The following ATP8A2 variants were observed in gnomAD, a reference collection of about 807,000 sequenced individuals.
ATP8A2 encodes the protein phospholipid-transporting ATPase IB.
In ATP8A2, 100 loss-of-function variants were observed where a neutral mutation model predicts 165.6. That is an observed-to-expected ratio of 0.60 (90% CI 0.51 to 0.71). The LOEUF (loss-of-function observed/expected upper bound fraction) is 0.71, where lower values mean the gene tolerates loss of function less well. Ranked by LOEUF, ATP8A2 falls within the 30% of genes least tolerant of loss-of-function variation. ATP8A2 has a pLI of 0.00. For missense variants in ATP8A2, 1,227 were observed against 1,479.5 expected, an observed-to-expected ratio of 0.83 and a Z score of 2.80; for synonymous variants, 543 against 548.8, an observed-to-expected ratio of 0.99 and a Z score of 0.15.
intron 35 of ATP8A2, among the ~76,000 whole-genome samples, chr13:25,981,988 A>G (rs1956177571): frequency 6.6e-6 from 1 of 152,356 alleles, no homozygotes; most frequent in African/African-American, 2.4e-5. Context: ...TACTAGTGGA[A>G]TCAAAAATTT....
chr13:25,665,550 G>C (rs1430218577), intron 24 of ATP8A2, among the ~76,000 whole-genome samples: 1 of 152,116 alleles, frequency 6.6e-6, no homozygotes, highest in African/African-American at 2.4e-5. Context: ...GGTCTGCTTA[G>C]CAATATGTGT....
intron 24 of ATP8A2, among the ~76,000 whole-genome samples, chr13:25,636,916 G>GTT (rs2041382450): frequency 6.6e-6 from 1 of 151,788 alleles, no homozygotes; most frequent in Admixed American, 6.6e-5. Context: ...AACATAGTGA[G>GTT]TCATCATCTC....
intron 25 of ATP8A2, among the ~76,000 whole-genome samples, chr13:25,720,797 G>A (rs1032366750): frequency 1.3e-5 from 2 of 152,048 alleles, no homozygotes; most frequent in African/African-American, 4.8e-5. Flanking sequence ...AGCAATCCCT[G>A]TGCTACGACA....
At chr13:25,772,862 T>C (rs980916672) in intron 26 of ATP8A2, among the ~76,000 whole-genome samples, 2 of 152,002 alleles carry the variant, frequency 1.3e-5, no homozygotes, top group Admixed American at 6.6e-5. Context: ...TGGGTTCAAG[T>C]GATTGTCCTG....
At chr13:25,556,432 T>C (rs567793325) in intron 13 of ATP8A2, among the ~76,000 whole-genome samples, 3 of 152,332 alleles carry the variant, frequency 2.0e-5, no homozygotes, top group Admixed American at 2.0e-4. Context: ...TGTCTGTTCA[T>C]GTCTTTTGCT....
chr13:25,378,560 G>A (rs2032721427), intron 1 of ATP8A2, among the ~76,000 whole-genome samples: 1 of 152,134 alleles, frequency 6.6e-6, no homozygotes, highest in East Asian at 1.9e-4. Context: ...TGTTATTTTT[G>A]GCTTTCACTG....
At chr13:25,642,597 G>A (rs1156807519) in intron 24 of ATP8A2, among the ~76,000 whole-genome samples, 2 of 152,150 alleles carry the variant, frequency 1.3e-5, no homozygotes, top group South Asian at 4.1e-4. Flanking sequence ...GAAACAACAG[G>A]TGCTGGACAG....
intron 30 of ATP8A2, among the ~76,000 whole-genome samples, chr13:25,850,370 C>T (rs1233137224): frequency 6.6e-6 from 1 of 152,082 alleles, no homozygotes; most frequent in East Asian, 1.9e-4. Flanking sequence ...GCTGACCTCA[C>T]CGCTGTAGCC....
At chr13:25,595,670 C>T (rs10871224) in intron 24 of ATP8A2, among the ~76,000 whole-genome samples, 78,385 of 151,962 alleles carry the variant, frequency 0.52, 21,373 homozygotes, top group Admixed American at 0.62. Context: ...GAATGTTTTT[C>T]TGAGAAAAGG....
intron 1 of ATP8A2, among the ~76,000 whole-genome samples, chr13:25,457,737 T>C (rs894820468): frequency 6.6e-6 from 1 of 152,268 alleles, no homozygotes; most frequent in Non-Finnish European, 1.5e-5. Context: ...TGCATCTCTT[T>C]GGCAGTGCTC....
At position 25,655,349 on chromosome 13, in the gene ATP8A2, A is replaced by G. The variant is rs559688587; in HGVS notation, c.2212-43824A>G. Among the ~76,000 whole-genome samples, 578 of 152,180 alleles carry G rather than the reference A, an allele frequency of 3.8e-3. 3 individuals carry two copies. The highest frequency in any genetic ancestry group is 0.01 in the Middle Eastern group (3 of 294). On this transcript the variant is annotated intron_variant, in intron 24 of 36. Coordinates refer to ENST00000381655, the MANE Select transcript of ATP8A2 (RefSeq NM_016529.6). ...TAATTTTTGTATTTTTAGTAGAGAC[A>G]GGGTTTTGCCATGTTGGCCAGGCTG... is the stretch of plus-strand genomic sequence containing the variant.
intron 2 of ATP8A2, among the ~76,000 whole-genome samples, chr13:25,522,624 C>G (rs1462141813): frequency 1.3e-5 from 2 of 152,064 alleles, no homozygotes; most frequent in Non-Finnish European, 2.9e-5. Flanking sequence ...TAAAGAGATA[C>G]TGAATTTTGT....
In ATP8A2 at chr13:25,535,028, A is replaced by G. The variant is rs542847533; in HGVS notation, c.507+1715A>G. On this transcript the variant is annotated intron_variant, in intron 6 of 36. Transcript: ENST00000381655. ...GCAGTTGCTGAGCTCTGTGTAGGAG[A>G]AAGCTTCCACTTTGGGAAGAGCTGG... Among the ~76,000 whole-genome samples, 4 of 152,334 alleles carry G rather than the reference A, an allele frequency of 2.6e-5. No homozygotes were observed. In the South Asian group the frequency reaches 8.3e-4, roughly 32 times the overall value.
At chr13:25,871,960 T>C (rs892695924) in intron 33 of ATP8A2, among the ~76,000 whole-genome samples, 1 of 152,032 alleles carries the variant, frequency 6.6e-6, no homozygotes, top group Non-Finnish European at 1.5e-5. Flanking sequence ...ACAAACCCTA[T>C]CCACTTTGCT....
chr13:25,685,941 G>A (rs1185040765), intron 24 of ATP8A2, among the ~76,000 whole-genome samples: 2 of 152,288 alleles, frequency 1.3e-5, no homozygotes, highest in Non-Finnish European at 1.5e-5. Flanking sequence ...GTGAGATATG[G>A]TCAGGGTCTA....
chr13:25,738,802 G>A (rs1416467815), intron 25 of ATP8A2, among the ~76,000 whole-genome samples: 1 of 152,240 alleles, frequency 6.6e-6, no homozygotes, highest in Non-Finnish European at 1.5e-5. Context: ...TTCTAATGAG[G>A]TGGCAAGGTA....
chr13:25,646,409 G>A (rs1324645716), intron 24 of ATP8A2, among the ~76,000 whole-genome samples: 1 of 152,082 alleles, frequency 6.6e-6, no homozygotes, highest in Non-Finnish European at 1.5e-5. Flanking sequence ...CCAGCACTTT[G>A]GAAGGCCGAG....
chr13:25,757,531 G>A (rs530138118), intron 25 of ATP8A2, among the ~76,000 whole-genome samples: 9 of 143,700 alleles, frequency 6.3e-5, no homozygotes, highest in Non-Finnish European at 9.3e-5. Flanking sequence ...GTGTGCACAC[G>A]CACTTAGAAG....
chr13:25,513,002 C>CG lies in ATP8A2; in HGVS notation c.222-16991dup, dbSNP rs1167773482. 2.4e-5 allele frequency among the ~76,000 whole-genome samples: 3 copies of CG among 123,916 alleles called. No homozygotes were observed. In the South Asian group the frequency reaches 8.2e-4, roughly 34 times the overall value. 81.3% of individuals were successfully genotyped at this position (123,916 alleles called of 152,430 possible). A position where few individuals can be genotyped will look rare whatever the true frequency, so the allele number is the denominator to read the frequency against. On this transcript the variant is annotated intron_variant, in intron 2 of 36. Transcript: ENST00000381655. The stretch of plus-strand genomic sequence containing the variant: ...CTCCCGGACGGGGTGGCTGGCCGGG[C>CG]GGGGGGCTGACCCCCCCCACCTCCC...
Sources: allele counts gnomAD v4.1 joint callset (sites outside exome capture counted in the v4.1 genomes callset), GRCh38; gene constraint gnomAD v4.1.1; transcripts MANE v1.5; gene names NCBI Gene and HGNC (gene_info 2026-07-23, HGNC 2026-07-21).